Variants in USP13 observed in about 807,000 individuals in gnomAD.
USP13 encodes ubiquitin carboxyl-terminal hydrolase 13.
In USP13, 68 loss-of-function variants were observed where a neutral mutation model predicts 107.8. The ratio of observed to expected loss-of-function variants is 0.63; its 90% CI spans 0.52 to 0.77. USP13 has a LOEUF of 0.77. Ranked by LOEUF, USP13 falls within the 30% of genes least tolerant of loss-of-function variation. The pLI is 0.00. For synonymous variants in USP13, 377 were observed against 389.5 expected (o/e 0.97, Z 0.38); for missense variants, 945 against 1,093.3 (o/e 0.86, Z 1.91).
At chr3:179,760,062 T>C (rs1714948453) in intron 16 of USP13, among the ~76,000 whole-genome samples, 1 of 152,224 alleles carries the variant, frequency 6.6e-6, no homozygotes. Flanking sequence ...ACAGAAGTTT[T>C]AGTAGAGTCC....
In USP13 at chr3:179,760,345, G is replaced by A. The variant is rs562870186; in HGVS notation, c.1949-767G>A. The stretch of plus-strand genomic sequence containing the variant: ...TTCGCCCAGGCTGGACTGCAGTGGC[G>A]CTATCCCGGCTCACTGCAAGCTCCG... On this transcript the variant is annotated intron_variant, in intron 16 of 20. Transcript: ENST00000263966. Among the ~76,000 whole-genome samples the A allele has an allele frequency of 1.1e-4, 17 of 148,194 alleles. No homozygotes were observed. In the East Asian group the frequency reaches 2.4e-3, roughly 21 times the overall value.
rs149359147 is a variant in USP13, at chr3:179,716,112, C to T, written c.806-3828C>T. 5.3e-3 allele frequency among the ~76,000 whole-genome samples: 808 copies of T among 152,106 alleles called. 8 individuals are homozygous for T. The highest frequency in any genetic ancestry group is 0.019 in the African/African-American group (768 of 41,500). On this transcript the variant is annotated intron_variant, in intron 6 of 20. Coordinates refer to ENST00000263966, the MANE Select transcript of USP13 (RefSeq NM_003940.3). The stretch of plus-strand genomic sequence containing the variant: ...GCTAATTCTGTATTTTTAGTAGAGA[C>T]GGGGTTTCTTCATGTTGGTCAGGCT...
intron 1 of USP13, among the ~76,000 whole-genome samples, chr3:179,655,577 T>TTTG (rs1193030096): frequency 6.7e-6 from 1 of 149,160 alleles, no homozygotes; most frequent in Admixed American, 6.6e-5. Context: ...GTTTTTTTTT[T>TTTG]GAGTTTTGCT....
At chr3:179,780,404 T>C (rs771687476) in intron 19 of USP13, among the ~76,000 whole-genome samples, 3 of 152,110 alleles carry the variant, frequency 2.0e-5, no homozygotes, top group Non-Finnish European at 4.4e-5. Context: ...AAGATCAATA[T>C]ACAAAATTAA....
rs116941091 is a variant in USP13 at position 179,687,811 on chromosome 3, C to G, written c.295-2430C>G. 8.2e-4 allele frequency among the ~76,000 whole-genome samples: 124 copies of G among 152,096 alleles called. No homozygotes were observed. The East Asian group carries it at 0.023, about 28-fold the overall frequency. On this transcript the variant is annotated intron_variant, in intron 2 of 20. Transcript: ENST00000263966. ...TGCACATATCTATGGCACACTGGCACTTAAATCTCTGATGTTTCTCCCTCT... is the reference window on the plus strand; with the variant it reads ...TGCACATATCTATGGCACACTGGCAGTTAAATCTCTGATGTTTCTCCCTCT...
At chr3:179,702,179 C>G (rs1297390545) in intron 4 of USP13, among the ~76,000 whole-genome samples, 1 of 152,156 alleles carries the variant, frequency 6.6e-6, no homozygotes, top group African/African-American at 2.4e-5. Context: ...GCCATCACGC[C>G]TAGAGATTTT....
chr3:179,725,620 C>T (rs1348060019), intron 8 of USP13, among the ~76,000 whole-genome samples: 1 of 152,176 alleles, frequency 6.6e-6, no homozygotes, highest in Non-Finnish European at 1.5e-5. Context: ...TGGTTCTCTG[C>T]TAGGGTTTCA....
intron 10 of USP13, among the ~76,000 whole-genome samples, chr3:179,731,101 A>C (rs1001039182): frequency 6.2e-4 from 94 of 152,300 alleles, no homozygotes; most frequent in African/African-American, 2.1e-3. Context: ...GTTTCTCAAG[A>C]GTCTGGTTGT....
chr3:179,734,870 AT>A (rs1560067827), intron 10 of USP13, among the ~76,000 whole-genome samples: 1 of 152,150 alleles, frequency 6.6e-6, no homozygotes, highest in East Asian at 1.9e-4. Context: ...TATTGCTGTG[AT>A]GTGATAAAAG....
At position 179,721,074 on chromosome 3, in the gene USP13, G is replaced by A. The variant is rs1361526102; in HGVS notation, c.901-328G>A. Reference sequence around the variant, plus strand: ...TCTGCCCACCTCAGCCTCCCAAAGTGTTGGGATTACAGGTGTGAACCGCTG... The same window carrying A: ...TCTGCCCACCTCAGCCTCCCAAAGTATTGGGATTACAGGTGTGAACCGCTG... On this transcript the variant is annotated intron_variant, in intron 7 of 20. Transcript: ENST00000263966. This position sits in a 1 kb window ranked among gnomAD's most constrained non-coding sequence, Gnocchi z 4.3. Among the ~76,000 whole-genome samples, 1 of 152,120 alleles carries A rather than the reference G, an allele frequency of 6.6e-6. No individual in the cohort carries two copies. The highest frequency in any genetic ancestry group is 1.5e-5 in the Non-Finnish European group (1 of 68,020).
intron 1 of USP13, among the ~76,000 whole-genome samples, chr3:179,675,739 G>A (rs1393364709): frequency 6.6e-6 from 1 of 152,018 alleles, no homozygotes; most frequent in Non-Finnish European, 1.5e-5. Flanking sequence ...GTAGCAATGA[G>A]GTTTCACCAT....
chr3:179,696,790 C>G (rs1477879957), intron 3 of USP13, among the ~76,000 whole-genome samples: 1 of 152,008 alleles, frequency 6.6e-6, no homozygotes, highest in East Asian at 1.9e-4. Flanking sequence ...GGGGTATAAG[C>G]TGATATGAAG....
chr3:179,746,176 C>A, intron 13 of USP13, among the ~76,000 whole-genome samples: 1 of 142,772 alleles, frequency 7.0e-6, no homozygotes, highest in Admixed American at 7.0e-5. Context: ...AGCAGTTCAA[C>A]CTATATATAT....
chr3:179,761,665 T>A (rs907786260), intron 17 of USP13, among the ~76,000 whole-genome samples: 1 of 152,122 alleles, frequency 6.6e-6, no homozygotes, highest in Non-Finnish European at 1.5e-5. Context: ...GAGGCTGCAG[T>A]GAGCCAAGAT....
intron 16 of USP13, among the ~76,000 whole-genome samples, chr3:179,758,681 G>A (rs1187438771): frequency 6.6e-6 from 1 of 151,854 alleles, no homozygotes; most frequent in Non-Finnish European, 1.5e-5. Flanking sequence ...TGTATTTTTA[G>A]TAGAGACGGG....
chr3:179,752,425 C>A, intron 14 of USP13, 52 bp downstream of exon 14: 1 of 1,380,784 alleles, frequency 7.2e-7, no homozygotes. Context: ...GCCATTTAAA[C>A]AACATGGCAT....
intron 1 of USP13, among the ~76,000 whole-genome samples, chr3:179,659,693 T>C (rs191012365): frequency 1.3e-5 from 2 of 152,258 alleles, no homozygotes; most frequent in Admixed American, 6.5e-5. Context: ...AGAGAGTAAG[T>C]AGGAGAGCTG....
chr3:179,777,443 C>CTTTTTTTTTTTTTTTTTTTTTT lies in USP13; in HGVS notation c.2414-4276_2414-4275insTTTTTTTTTTTTTTTTTTTTTT, dbSNP rs11317182. On this transcript the variant is annotated intron_variant, in intron 19 of 20. Transcript: ENST00000263966. ...GGGGTATTGTATCCTCTCTCTCTCT[C>CTTTTTTTTTTTTTTTTTTTTTT]TTTTTTTTTTTTTTTTTTTTCTTTT... Among the ~76,000 whole-genome samples the CTTTTTTTTTTTTTTTTTTTTTT allele has an allele frequency of 3.5e-5, 4 of 113,694 alleles. 1 individual carries two copies. Among genetic ancestry groups the CTTTTTTTTTTTTTTTTTTTTTT allele is most frequent in the African/African-American group, 6.7e-5 (2 of 29,752 alleles). 74.6% of individuals were successfully genotyped at this position (113,694 alleles called of 152,430 possible). A position where few individuals can be genotyped will look rare whatever the true frequency, so the allele number is the denominator to read the frequency against.
chr3:179,664,296 G>A (rs1381137753), intron 1 of USP13, among the ~76,000 whole-genome samples: 2 of 152,056 alleles, frequency 1.3e-5, no homozygotes, highest in Non-Finnish European at 2.9e-5. Context: ...GTTTCACCAT[G>A]TTGGTCAGGC....
Sources: allele counts gnomAD v4.1 joint callset (sites outside exome capture counted in the v4.1 genomes callset), GRCh38; gene constraint gnomAD v4.1.1; non-coding constraint Gnocchi (gnomAD v3.1); transcripts MANE v1.5; gene names NCBI Gene and HGNC (gene_info 2026-07-23, HGNC 2026-07-21).